Variants in PDE4D observed in about 807,000 individuals in gnomAD.
PDE4D encodes the protein 3',5'-cyclic-AMP phosphodiesterase 4D.
A neutral mutation model predicts 87.4 loss-of-function variants in PDE4D; 24 were observed. The ratio of observed to expected loss-of-function variants is 0.27; its 90% CI spans 0.20 to 0.39. PDE4D has a LOEUF of 0.39. PDE4D is among the 10% of genes least tolerant of loss of function. PDE4D has a pLI of 1.00. For synonymous variants in PDE4D, 384 were observed against 383.2 expected, an observed-to-expected ratio of 1.00 and a Z score of -0.02; for missense variants, 714 against 1,041.0, an observed-to-expected ratio of 0.69 and a Z score of 4.32.
At chr5:59,230,537 G>A (rs180902562) in intron 1 of PDE4D, among the ~76,000 whole-genome samples, 5 of 152,214 alleles carry the variant, frequency 3.3e-5, no homozygotes, top group South Asian at 2.1e-4. Context: ...GAAATACTTA[G>A]CCTTAAAATA....
At chr5:60,259,424 G>A (rs551943825) in intron 1 of PDE4D, among the ~76,000 whole-genome samples, 3 of 152,126 alleles carry the variant, frequency 2.0e-5, no homozygotes, top group South Asian at 4.1e-4. Flanking sequence ...ACAGAATCAA[G>A]GTAATAGGCA....
Position 59,357,454 on chromosome 5 carries a change from T to G in PDE4D, c.456-141486A>C, listed in dbSNP as rs138356409. On this transcript the variant is annotated intron_variant, in intron 1 of 14. Coordinates refer to ENST00000340635, the MANE Select transcript of PDE4D (RefSeq NM_001104631.2). Reference sequence around the variant, plus strand: ...TCCACAGGATGTAAACAGGATTTACTCGTCTTGAAAATACCAGCGCCTCTC... The same window carrying G: ...TCCACAGGATGTAAACAGGATTTACGCGTCTTGAAAATACCAGCGCCTCTC... Among the ~76,000 whole-genome samples the G allele has an allele frequency of 2.0e-3, 311 of 152,296 alleles. 2 individuals carry two copies. The highest frequency in any genetic ancestry group is 7.1e-3 in the African/African-American group (297 of 41,562).
At chr5:59,771,461 G>GAA (rs1251104718) in intron 1 of PDE4D, among the ~76,000 whole-genome samples, 1 of 68,820 alleles carries the variant, frequency 1.5e-5, no homozygotes, top group African/African-American at 6.8e-5. Flanking sequence ...AAGAAAGAAA[G>GAA]AAAGAAAGAA....
At chr5:59,074,332 T>C (rs1765338144) in intron 5 of PDE4D, among the ~76,000 whole-genome samples, 1 of 152,142 alleles carries the variant, frequency 6.6e-6, no homozygotes, top group Non-Finnish European at 1.5e-5. Context: ...TAATAACTTG[T>C]GCAGAGCCCT....
intron 3 of PDE4D, among the ~76,000 whole-genome samples, chr5:59,954,724 C>T (rs947542894): frequency 2.6e-5 from 4 of 152,140 alleles, no homozygotes; most frequent in Non-Finnish European, 5.9e-5. Flanking sequence ...CAGAAAGATT[C>T]ACAAGAATGC....
intron 1 of PDE4D, among the ~76,000 whole-genome samples, chr5:59,340,862 C>T (rs1245445256): frequency 6.6e-6 from 1 of 152,128 alleles, no homozygotes; most frequent in Non-Finnish European, 1.5e-5. Flanking sequence ...GACAGGATCT[C>T]ATTCCTTTTT....
intron 1 of PDE4D, among the ~76,000 whole-genome samples, chr5:60,251,037 G>GA (rs1748381468): frequency 6.6e-6 from 1 of 151,818 alleles, no homozygotes; most frequent in Non-Finnish European, 1.5e-5. Flanking sequence ...AAATAAAAGA[G>GA]ATAACTAGAC....
chr5:59,827,508 T>G (rs979752210), intron 1 of PDE4D, among the ~76,000 whole-genome samples: 5 of 152,200 alleles, frequency 3.3e-5, no homozygotes, highest in Non-Finnish European at 5.9e-5. Context: ...TCTTGCTGAT[T>G]AATTAAACCA....
At chr5:59,392,146 G>T (rs912041592) in intron 1 of PDE4D, among the ~76,000 whole-genome samples, 68 of 151,798 alleles carry the variant, frequency 4.5e-4, no homozygotes, top group Non-Finnish European at 2.5e-4. Context: ...TGGATGGAAG[G>T]ATACAAAGTA....
At chr5:59,701,016 A>G (rs1329536549) in intron 1 of PDE4D, among the ~76,000 whole-genome samples, 3 of 152,178 alleles carry the variant, frequency 2.0e-5, no homozygotes, top group Non-Finnish European at 1.5e-5. Context: ...ATGAACCCAA[A>G]GTCCTTAACC....
intron 1 of PDE4D, among the ~76,000 whole-genome samples, chr5:59,830,587 T>C (rs1009790083): frequency 8.5e-5 from 13 of 152,138 alleles, no homozygotes; most frequent in Non-Finnish European, 1.8e-4. Context: ...CATCTTCATG[T>C]AGCCTTTACC....
At chr5:60,102,528 G>A (rs1365036311) in intron 2 of PDE4D, among the ~76,000 whole-genome samples, 2 of 152,082 alleles carry the variant, frequency 1.3e-5, no homozygotes, top group African/African-American at 4.8e-5. Context: ...TAAATTCAGA[G>A]AATTTCATTT....
At chr5:60,023,221 T>A (rs926050196) in intron 2 of PDE4D, among the ~76,000 whole-genome samples, 8 of 152,218 alleles carry the variant, frequency 5.3e-5, no homozygotes, top group Non-Finnish European at 1.0e-4. Context: ...CCACGGTGCA[T>A]AATAAGCAGT....
intron 1 of PDE4D, among the ~76,000 whole-genome samples, chr5:59,677,796 T>C (rs754002989): frequency 2.0e-5 from 3 of 152,112 alleles, no homozygotes; most frequent in African/African-American, 7.2e-5. Context: ...ACCCAGTGAG[T>C]TGTCCCCTTT....
chr5:59,838,354 C>G (rs978298883), intron 1 of PDE4D, among the ~76,000 whole-genome samples: 1 of 152,096 alleles, frequency 6.6e-6, no homozygotes, highest in African/African-American at 2.4e-5. Context: ...GGTTAAGAGA[C>G]CTGCCAAATT....
intron 1 of PDE4D, among the ~76,000 whole-genome samples, chr5:60,516,060 G>A (rs894602856): frequency 7.2e-5 from 11 of 152,106 alleles, no homozygotes; most frequent in Admixed American, 2.6e-4. Flanking sequence ...CAGGTATTTC[G>A]CAGCTATACC....
At chr5:59,026,801 T>A (rs1470977897) in intron 6 of PDE4D, among the ~76,000 whole-genome samples, 2 of 152,264 alleles carry the variant, frequency 1.3e-5, no homozygotes, top group East Asian at 3.9e-4. Context: ...TAAATAAAAC[T>A]TTTTGTTTTA....
chr5:59,701,122 G>T (rs1752492463), intron 1 of PDE4D, among the ~76,000 whole-genome samples: 1 of 152,048 alleles, frequency 6.6e-6, no homozygotes, highest in African/African-American at 2.4e-5. Context: ...CAAATACCAT[G>T]GGATTCCTTG....
chr5:59,757,476 T>C (rs952127978), intron 1 of PDE4D, among the ~76,000 whole-genome samples: 4 of 152,216 alleles, frequency 2.6e-5, no homozygotes, highest in Non-Finnish European at 5.9e-5. Context: ...TCAAAGAGAC[T>C]ATTCTATAAT....
Sources: gnomAD v4.1 joint callset for allele counts (sites outside exome capture counted in the v4.1 genomes callset) on GRCh38, gnomAD v4.1.1 for gene constraint, MANE v1.5 for transcripts, NCBI Gene and HGNC (gene_info 2026-07-23, HGNC 2026-07-21) for gene names.